KCND3: variants seen among roughly 807,000 people sequenced by gnomAD.
KCND3 encodes the protein A-type voltage-gated potassium channel KCND3.
KCND3 carries 9 observed loss-of-function variants against 51.1 expected under a neutral mutation model. The ratio of observed to expected loss-of-function variants is 0.18; its 90% CI spans 0.11 to 0.31. KCND3 has a LOEUF of 0.31. Ranked by LOEUF, KCND3 falls within the 10% of genes least tolerant of loss-of-function variation. KCND3 has a pLI of 1.00. For synonymous variants in KCND3, 349 were observed against 368.0 expected, an observed-to-expected ratio of 0.95 and a Z score of 0.59; for missense variants, 526 against 903.8, an observed-to-expected ratio of 0.58 and a Z score of 5.36.
In KCND3 at chr1:111,834,347, G is replaced by A. The variant is rs149920788; in HGVS notation, c.1107-47241C>T. Among the ~76,000 whole-genome samples, 14 of 152,304 alleles carry A rather than the reference G, an allele frequency of 9.2e-5. 1 individual carries two copies. Among genetic ancestry groups the A allele is most frequent in the Non-Finnish European group, 1.6e-4 (11 of 68,022 alleles). On this transcript the variant is annotated intron_variant, in intron 2 of 7. Transcript: ENST00000302127. ...TATTTACTGCCCTTTCTGCTGAGAA[G>A]AGCTTGAAAAACAAAACACAAGAGC...
chr1:111,955,901 A>T (rs780076503), intron 2 of KCND3, among the ~76,000 whole-genome samples: 41 of 152,260 alleles, frequency 2.7e-4, no homozygotes, highest in South Asian at 1.2e-3. Context: ...GGGAACTAAT[A>T]AGTAGTAGTT....
In KCND3 at chr1:111,965,438, CCACACACA is replaced by C. The variant is rs56156826; in HGVS notation, c.1106+16175_1106+16182del. Among the ~76,000 whole-genome samples the C allele has an allele frequency of 1.9e-3, 137 of 72,416 alleles. 2 individuals are homozygous for C. The highest frequency in any genetic ancestry group is 8.9e-3 in the Middle Eastern group (1 of 112). 47.5% of individuals were successfully genotyped at this position (72,416 alleles called of 152,430 possible). A position where few individuals can be genotyped will look rare whatever the true frequency, so the allele number is the denominator to read the frequency against. On this transcript the variant is annotated intron_variant, in intron 2 of 7. Transcript: ENST00000302127. ...CCCCGACCCCTTATGGCCAGCAAAA[CCACACACA>C]CACACACACACACACACACACACAC... is the stretch of plus-strand genomic sequence containing the variant.
chr1:111,959,692 T>A (rs1673529741), intron 2 of KCND3, among the ~76,000 whole-genome samples: 1 of 152,202 alleles, frequency 6.6e-6, no homozygotes, highest in Non-Finnish European at 1.5e-5. Context: ...GCAACTTCTG[T>A]GTCCCTGCTA....
At chr1:111,866,234 T>C (rs906921625) in intron 2 of KCND3, among the ~76,000 whole-genome samples, 1 of 150,708 alleles carries the variant, frequency 6.6e-6, no homozygotes, top group African/African-American at 2.4e-5. Flanking sequence ...TCTTTCCTTC[T>C]TTTCTTCTTT....
rs572706464 is a variant in KCND3, at chr1:111,915,522, G to C, written c.1106+66099C>G. 4.9e-4 allele frequency among the ~76,000 whole-genome samples: 75 copies of C among 152,222 alleles called. 1 individual carries two copies. The South Asian group carries it at 0.016, about 32-fold the overall frequency. ...AATCCCAGCACTTTGGGAGGCCGAG[G>C]TGGGAGGATCACGAGGTCAGGAGAT... On this transcript the variant is annotated intron_variant, in intron 2 of 7. Coordinates refer to ENST00000302127, the MANE Select transcript of KCND3 (RefSeq NM_001378969.1).
intron 2 of KCND3, among the ~76,000 whole-genome samples, chr1:111,953,944 G>A (rs1673188021): frequency 6.6e-6 from 1 of 152,110 alleles, no homozygotes; most frequent in African/African-American, 2.4e-5. Context: ...CTGGGAAGCC[G>A]ACCTCTATGG....
chr1:111,879,181 T>C (rs1223079138), intron 2 of KCND3, among the ~76,000 whole-genome samples: 3 of 152,214 alleles, frequency 2.0e-5, no homozygotes, highest in Admixed American at 6.5e-5. Context: ...TCCGCCTCCA[T>C]CATCATGCGA....
intron 2 of KCND3, among the ~76,000 whole-genome samples, chr1:111,939,565 T>C (rs1571876719): frequency 6.6e-6 from 1 of 152,336 alleles, no homozygotes; most frequent in East Asian, 1.9e-4. Context: ...TCATCCTTTT[T>C]TATGGCTGCA....
chr1:111,962,383 G>A (rs1323130740), intron 2 of KCND3, among the ~76,000 whole-genome samples: 1 of 152,176 alleles, frequency 6.6e-6, no homozygotes, highest in African/African-American at 2.4e-5. Flanking sequence ...ATGATCTTAG[G>A]AATGAACACG....
chr1:111,927,751 G>C (rs1342844444), intron 2 of KCND3, among the ~76,000 whole-genome samples: 1 of 152,208 alleles, frequency 6.6e-6, no homozygotes, highest in African/African-American at 2.4e-5. Flanking sequence ...CCTGCCCTAG[G>C]GGACAAGCAC....
In KCND3 at chr1:111,907,117, C is replaced by G. The variant is rs535590503; in HGVS notation, c.1106+74504G>C. On this transcript the variant is annotated intron_variant, in intron 2 of 7. Transcript: ENST00000302127. ...CGTGTTCAGCCAGCTGTCACAGCAC[C>G]TGCCACACTTCATGGGGCACAAGTG... Among the ~76,000 whole-genome samples, 25 of 152,318 alleles carry G rather than the reference C, an allele frequency of 1.6e-4. No individual in the cohort carries two copies. The South Asian group carries it at 5.2e-3, about 32-fold the overall frequency.
intron 2 of KCND3, among the ~76,000 whole-genome samples, chr1:111,820,912 G>T (rs1302882083): frequency 6.6e-6 from 1 of 152,194 alleles, no homozygotes; most frequent in Non-Finnish European, 1.5e-5. Context: ...TGCCAGCAAC[G>T]ACCAGAAGAG....
In KCND3 at chr1:111,984,391, C is replaced by A. The variant is rs557327121; in HGVS notation, c.-72-1593G>T. On this transcript the variant is annotated intron_variant, in intron 1 of 7. Transcript: ENST00000302127. Reference sequence around the variant, plus strand: ...GCTGCTGTTCGCCTTTTCTTCATGACGTCCCTAACTGCAGGGCTGTCACCT... The same window carrying A: ...GCTGCTGTTCGCCTTTTCTTCATGAAGTCCCTAACTGCAGGGCTGTCACCT... Among the ~76,000 whole-genome samples, 31 of 152,310 alleles carry A rather than the reference C, an allele frequency of 2.0e-4. No homozygotes were observed. In the South Asian group the frequency reaches 5.8e-3, roughly 29 times the overall value.
chr1:111,776,895 G>T, intron 7 of KCND3, 131 bp downstream of exon 7: 4 of 1,514,962 alleles, frequency 2.6e-6, no homozygotes, highest in South Asian at 1.2e-5. Flanking sequence ...AAGGAGGAAG[G>T]TAGAGGGGCT....
intron 2 of KCND3, among the ~76,000 whole-genome samples, chr1:111,922,994 C>A (rs1671545287): frequency 6.6e-6 from 1 of 152,212 alleles, no homozygotes; most frequent in South Asian, 2.1e-4. Flanking sequence ...TCCCTGCAGG[C>A]TTTGAATGAC....
chr1:111,953,848 T>C (rs1164275656), intron 2 of KCND3, among the ~76,000 whole-genome samples: 1 of 152,224 alleles, frequency 6.6e-6, no homozygotes, highest in African/African-American at 2.4e-5. Flanking sequence ...ACGCTTTGGT[T>C]AGCAATCTAG....
chr1:111,829,742 A>G (rs1666748996), intron 2 of KCND3, among the ~76,000 whole-genome samples: 1 of 151,896 alleles, frequency 6.6e-6, no homozygotes, highest in African/African-American at 2.4e-5. Context: ...GGACATCTCC[A>G]CCCAAATGAC....
intron 2 of KCND3, among the ~76,000 whole-genome samples, chr1:111,859,916 T>C (rs1467762691): frequency 6.6e-6 from 1 of 152,232 alleles, no homozygotes; most frequent in Non-Finnish European, 1.5e-5. Flanking sequence ...CTACTGATGA[T>C]GCCAGGGTGG....
At chr1:111,806,035 C>T (rs1248062689) in intron 2 of KCND3, among the ~76,000 whole-genome samples, 1 of 152,206 alleles carries the variant, frequency 6.6e-6, no homozygotes, top group Non-Finnish European at 1.5e-5. Context: ...GGGGCCTTTT[C>T]ACCAAGCGAC....
Sources: gnomAD v4.1 joint callset for allele counts (sites outside exome capture counted in the v4.1 genomes callset) on GRCh38, gnomAD v4.1.1 for gene constraint, MANE v1.5 for transcripts, NCBI Gene and HGNC (gene_info 2026-07-23, HGNC 2026-07-21) for gene names.